PRKCB: variants seen among roughly 807,000 people sequenced by gnomAD.
The protein encoded by PRKCB is protein kinase C beta, also known as protein kinase C beta type.
In PRKCB, 13 loss-of-function variants were observed where a neutral mutation model predicts 81.5. The ratio of observed to expected loss-of-function variants is 0.16; its 90% confidence interval spans 0.10 to 0.25. The LOEUF is 0.25. Ranked by LOEUF, PRKCB falls within the 10% of genes least tolerant of loss-of-function variation. The pLI, the probability that PRKCB is intolerant of heterozygous loss-of-function variation, is 1.00. For missense variants in PRKCB, 509 were observed against 875.7 expected, an observed-to-expected ratio of 0.58 and a Z score of 5.29; for synonymous variants, 335 against 321.4, an observed-to-expected ratio of 1.04 and a Z score of -0.45.
chr16:24,087,960 C>T (rs897731802), intron 5 of PRKCB, among the ~76,000 whole-genome samples: 2 of 152,172 alleles, frequency 1.3e-5, no homozygotes, highest in Admixed American at 1.3e-4. Context: ...TTGCAAACTT[C>T]CACCAGTGGG....
intron 2 of PRKCB, among the ~76,000 whole-genome samples, chr16:23,981,575 TTTTCC>T (rs71986168): frequency 0.57 from 83,599 of 147,038 alleles, 23,936 homozygotes; most frequent in South Asian, 0.78. Flanking sequence ...CTTTCCTTTC[TTTTCC>T]TTTCCTTTCC....
At position 24,136,800 on chromosome 16, in the gene PRKCB, C is replaced by G. The variant is rs891716366; in HGVS notation, c.1065+12819C>G. 3.9e-5 allele frequency among the ~76,000 whole-genome samples: 6 copies of G among 152,240 alleles called. No individual in the cohort carries two copies. In the East Asian group the frequency reaches 1.2e-3, roughly 29 times the overall value. Reference sequence around the variant, plus strand: ...TTTCCTATGAGAAAGAAGAAAACGACGGGCCTGTCTGGCACACAGGCCAAA... The same window carrying G: ...TTTCCTATGAGAAAGAAGAAAACGAGGGGCCTGTCTGGCACACAGGCCAAA... On this transcript the variant is annotated intron_variant, in intron 9 of 16. Transcript: ENST00000643927.
intron 5 of PRKCB, among the ~76,000 whole-genome samples, chr16:24,037,924 A>G (rs1301399571): frequency 6.6e-6 from 1 of 152,094 alleles, no homozygotes; most frequent in Non-Finnish European, 1.5e-5. Flanking sequence ...ACAGTGGCTC[A>G]TGCCTATAAT....
chr16:24,141,106 G>C (rs1022154524), intron 9 of PRKCB, among the ~76,000 whole-genome samples: 5 of 152,152 alleles, frequency 3.3e-5, no homozygotes, highest in Non-Finnish European at 7.3e-5. Context: ...TCATCATCAT[G>C]GCCCTACTAA....
At chr16:24,133,433 C>T (rs996000590) in intron 9 of PRKCB, among the ~76,000 whole-genome samples, 1 of 152,206 alleles carries the variant, frequency 6.6e-6, no homozygotes, top group African/African-American at 2.4e-5. Flanking sequence ...ATGGCTTTCA[C>T]TCCTCCAGCC....
At chr16:23,967,490 G>A (rs1964503444) in intron 2 of PRKCB, among the ~76,000 whole-genome samples, 1 of 152,216 alleles carries the variant, frequency 6.6e-6, no homozygotes, top group Non-Finnish European at 1.5e-5. Context: ...TTAAAAGCTT[G>A]TGTGGGAAGG....
intron 2 of PRKCB, among the ~76,000 whole-genome samples, chr16:23,879,901 G>A (rs991028468): frequency 1.3e-5 from 2 of 152,152 alleles, no homozygotes; most frequent in Non-Finnish European, 2.9e-5. Context: ...TTTAAACTCT[G>A]TGACCTTGGG....
chr16:24,194,294 C>G (rs935359278), intron 16 of PRKCB, among the ~76,000 whole-genome samples: 1 of 152,060 alleles, frequency 6.6e-6, no homozygotes, highest in African/African-American at 2.4e-5. Flanking sequence ...CCATTGCACT[C>G]TAGCCTGGGT....
chr16:24,167,708 C>T (rs1167393378), intron 10 of PRKCB, among the ~76,000 whole-genome samples: 1 of 152,226 alleles, frequency 6.6e-6, no homozygotes, highest in Non-Finnish European at 1.5e-5. Flanking sequence ...CACATCCATA[C>T]AATGTCTAGC....
At chr16:23,922,497 A>AC (rs921515401) in intron 2 of PRKCB, among the ~76,000 whole-genome samples, 3 of 152,208 alleles carry the variant, frequency 2.0e-5, no homozygotes, top group Non-Finnish European at 2.9e-5. Flanking sequence ...CTCTATTTGC[A>AC]TTTTTAAAGA....
chr16:24,191,389 A>G, intron 16 of PRKCB, 159 bp downstream of exon 16: 1 of 767,452 alleles, frequency 1.3e-6, no homozygotes, highest in Non-Finnish European at 2.0e-6. Context: ...ACTGGTTACT[A>G]AGATGGACAT....
At chr16:24,193,308 G>T (rs1222006192) in intron 16 of PRKCB, among the ~76,000 whole-genome samples, 1 of 151,826 alleles carries the variant, frequency 6.6e-6, no homozygotes, top group Non-Finnish European at 1.5e-5. Flanking sequence ...AGCTAGGTGT[G>T]ATGGTGGGTG....
intron 16 of PRKCB, among the ~76,000 whole-genome samples, chr16:24,191,816 A>T (rs1967797999): frequency 6.6e-6 from 1 of 152,230 alleles, no homozygotes; most frequent in Admixed American, 6.5e-5. Context: ...GATGGCTTTG[A>T]CATAAGTTTT....
chr16:24,139,961 T>G (rs1380139516), intron 9 of PRKCB, among the ~76,000 whole-genome samples: 1 of 152,132 alleles, frequency 6.6e-6, no homozygotes. Context: ...CACTTTCCAG[T>G]TTTTCCTGAG....
intron 3 of PRKCB, among the ~76,000 whole-genome samples, chr16:24,015,916 A>G (rs1260948063): frequency 1.3e-5 from 2 of 152,222 alleles, no homozygotes. Context: ...TATAAGGTTT[A>G]TTGGGAAAAG....
intron 2 of PRKCB, among the ~76,000 whole-genome samples, chr16:23,916,449 G>C (rs1015884082): frequency 1.3e-5 from 2 of 151,870 alleles, no homozygotes; most frequent in Admixed American, 6.6e-5. Context: ...ATTAAATTTC[G>C]AATAGTTATA....
chr16:23,911,977 G>T (rs924235079), intron 2 of PRKCB, among the ~76,000 whole-genome samples: 1 of 151,462 alleles, frequency 6.6e-6, no homozygotes, highest in African/African-American at 2.4e-5. Context: ...GATTTCAGGT[G>T]CGCACCACCA....
At chr16:24,124,015 G>A in intron 9 of PRKCB, 34 bp downstream of exon 9, 1 of 1,612,634 alleles carries the variant, frequency 6.2e-7, no homozygotes, top group South Asian at 1.1e-5. Flanking sequence ...ACCTGCTTTG[G>A]AAGGAACATC....
intron 7 of PRKCB, among the ~76,000 whole-genome samples, chr16:24,096,165 A>T (rs1966436071): frequency 6.6e-6 from 1 of 151,980 alleles, no homozygotes; most frequent in Admixed American, 6.6e-5. Flanking sequence ...GTGTGCTGGC[A>T]TGTGAGGATC....
Sources: allele counts gnomAD v4.1 joint callset (sites outside exome capture counted in the v4.1 genomes callset), GRCh38; gene constraint gnomAD v4.1.1; transcripts MANE v1.5; gene names NCBI Gene and HGNC (gene_info 2026-07-23, HGNC 2026-07-21).